Variants in FBXL2 observed in about 807,000 individuals in gnomAD.
FBXL2 encodes the protein F-box and leucine rich repeat protein 2.
In FBXL2, 38 loss-of-function variants were observed where a neutral mutation model predicts 69.2. That is an observed-to-expected ratio of 0.55 (90% CI 0.42 to 0.72). The LOEUF (loss-of-function observed/expected upper bound fraction) is 0.72. FBXL2 is among the 30% of genes least tolerant of loss of function. The probability of loss-of-function intolerance (pLI) is 0.00; values close to 1 mark genes in which losing one functional copy is unlikely to be tolerated. For missense variants in FBXL2, 354 were observed against 520.3 expected, an observed-to-expected ratio of 0.68 and a Z score of 3.11; for synonymous variants, 192 against 201.3, an observed-to-expected ratio of 0.95 and a Z score of 0.39.
rs533372284 is a variant in FBXL2 at position 33,343,148 on chromosome 3, A to G, written c.66-15819A>G. On this transcript the variant is annotated intron_variant, in intron 2 of 14. Coordinates refer to ENST00000484457, the MANE Select transcript of FBXL2 (RefSeq NM_012157.5). ...ATGAATTAGTATAGTATTCAAAGCA[A>G]TTATATATATATGATAGTTAAAGAA... Among the ~76,000 whole-genome samples, 9 of 152,062 alleles carry G rather than the reference A, an allele frequency of 5.9e-5. No individual in the cohort carries two copies. In the South Asian group the frequency reaches 1.9e-3, roughly 31 times the overall value.
At chr3:33,363,917 A>G (rs1181607973) in intron 4 of FBXL2, among the ~76,000 whole-genome samples, 1 of 152,200 alleles carries the variant, frequency 6.6e-6, no homozygotes, top group Non-Finnish European at 1.5e-5. Context: ...GCAGTGAGCT[A>G]TGACCACATC....
At chr3:33,409,072 C>T in the FBXL2 span, among the ~76,000 whole-genome samples, 1 of 152,128 alleles carries the variant, frequency 6.6e-6, no homozygotes, top group East Asian at 1.9e-4. Context: ...AACAGTCTAT[C>T]AAAATCCCCA....
intron 2 of FBXL2, among the ~76,000 whole-genome samples, chr3:33,305,466 A>T (rs1483851652): frequency 6.6e-6 from 1 of 151,902 alleles, no homozygotes; most frequent in African/African-American, 2.4e-5. Flanking sequence ...TCAATACTAC[A>T]TATTTGGTAA....
At chr3:33,401,210 A>G (rs910232500) in intron 12 of FBXL2, among the ~76,000 whole-genome samples, 1 of 152,246 alleles carries the variant, frequency 6.6e-6, no homozygotes, top group Non-Finnish European at 1.5e-5. Context: ...ATTAAGACAC[A>G]GAAGACTGTG....
intron 2 of FBXL2, among the ~76,000 whole-genome samples, chr3:33,343,533 TAAA>T (rs1401122562): frequency 6.6e-6 from 1 of 152,060 alleles, no homozygotes; most frequent in South Asian, 2.1e-4. Flanking sequence ...AATGAAGCAA[TAAA>T]AATATTTTAT....
chr3:33,351,602 A>G (rs2154037415), intron 2 of FBXL2, among the ~76,000 whole-genome samples: 1 of 152,286 alleles, frequency 6.6e-6, no homozygotes, highest in Admixed American at 6.5e-5. Flanking sequence ...ACTTTTTTCA[A>G]GTTGATATAT....
At chr3:33,409,173 T>A in the FBXL2 span, 1 of 1,504,614 alleles carries the variant, frequency 6.6e-7, no homozygotes, top group Non-Finnish European at 9.2e-7. Flanking sequence ...AGAACTCATC[T>A]TAGAAATAGA....
intron 10 of FBXL2, among the ~76,000 whole-genome samples, chr3:33,375,954 C>T (rs957334220): frequency 2.0e-5 from 3 of 152,034 alleles, no homozygotes; most frequent in South Asian, 2.1e-4. Flanking sequence ...GTCAGGAATT[C>T]GAAACCAGCC....
intron 13 of FBXL2, chr3:33,382,575 GATTT>G (rs1286739908): frequency 6.6e-6 from 1 of 151,966 alleles, no homozygotes; most frequent in African/African-American, 2.4e-5. Context: ...GGTACACTGT[GATTT>G]ATTTATCCTT....
intron 13 of FBXL2, among the ~76,000 whole-genome samples, chr3:33,380,327 C>T (rs1263903850): frequency 6.6e-6 from 1 of 151,828 alleles, no homozygotes; most frequent in East Asian, 1.9e-4. Flanking sequence ...GAGGCCGAGG[C>T]AGGCAGATTG....
intron 1 of FBXL2, among the ~76,000 whole-genome samples, chr3:33,292,518 A>C (rs1378921245): frequency 1.3e-5 from 2 of 152,216 alleles, no homozygotes; most frequent in Non-Finnish European, 2.9e-5. Flanking sequence ...ACTAATTGAC[A>C]GAACTTGTGA....
At chr3:33,332,993 CA>C (rs1241365170) in intron 2 of FBXL2, among the ~76,000 whole-genome samples, 1 of 152,080 alleles carries the variant, frequency 6.6e-6, no homozygotes, top group Non-Finnish European at 1.5e-5. Flanking sequence ...AAGCCAAACC[CA>C]AAAGGTCACA....
At chr3:33,401,071 TAATC>T in intron 12 of FBXL2, 2 of 1,488,354 alleles carry the variant, frequency 1.3e-6, no homozygotes, top group Non-Finnish European at 1.8e-6. Context: ...ATATATGTTT[TAATC>T]AAGGCATTAA....
intron 2 of FBXL2, among the ~76,000 whole-genome samples, chr3:33,350,599 A>AT (rs1214483477): frequency 6.6e-6 from 1 of 151,686 alleles, no homozygotes; most frequent in Non-Finnish European, 1.5e-5. Flanking sequence ...TGCCTGCCTA[A>AT]TTTTTTTGTA....
At chr3:33,372,319 C>T (rs1038678079) in intron 5 of FBXL2, 1 of 152,416 alleles carries the variant, frequency 6.6e-6, no homozygotes, top group Non-Finnish European at 1.5e-5. Context: ...CCAGATAACT[C>T]CAGCTGCCTT....
the FBXL2 span, among the ~76,000 whole-genome samples, chr3:33,416,335 C>T: frequency 6.6e-6 from 1 of 152,106 alleles, no homozygotes; most frequent in Non-Finnish European, 1.5e-5. Context: ...GCTATGCCTC[C>T]TATACCTAGG....
At chr3:33,288,217 G>A (rs969842706) in intron 1 of FBXL2, among the ~76,000 whole-genome samples, 15 of 152,318 alleles carry the variant, frequency 9.8e-5, no homozygotes, top group Admixed American at 5.9e-4. Context: ...CCAGTTCTCA[G>A]TGCTGCCTCT....
At position 33,385,896 on chromosome 3, in the gene FBXL2, C is replaced by T. The variant is rs1173175485; in HGVS notation, c.*288C>T. The T allele has an allele frequency of 2.4e-6, 1 of 418,928 alleles. No individual in the cohort carries two copies. The highest frequency in any genetic ancestry group is 4.3e-6 in the Non-Finnish European group (1 of 230,236). 26.0% of individuals were successfully genotyped at this position (418,928 alleles called of 1,614,324 possible). A position where few individuals can be genotyped will look rare whatever the true frequency, so the allele number is the denominator to read the frequency against. On this transcript the variant is annotated 3_prime_UTR_variant, in exon 15 of 15. Coordinates refer to ENST00000484457, the MANE Select transcript of FBXL2 (RefSeq NM_012157.5). ...GATCTCTTAAGAGATTGGTACCTACCTAGGTACGAAAGTTCTACCCTTGGC... is the reference window on the plus strand; with the variant it reads ...GATCTCTTAAGAGATTGGTACCTACTTAGGTACGAAAGTTCTACCCTTGGC...
chr3:33,320,670 G>T (rs773850456), intron 2 of FBXL2, among the ~76,000 whole-genome samples: 3 of 151,730 alleles, frequency 2.0e-5, no homozygotes, highest in African/African-American at 4.8e-5. Context: ...TAGTAGAGAC[G>T]GGGTTTCACC....
Sources: allele counts gnomAD v4.1 joint callset (sites outside exome capture counted in the v4.1 genomes callset), GRCh38; gene constraint gnomAD v4.1.1; transcripts MANE v1.5; gene names NCBI Gene and HGNC (gene_info 2026-07-23, HGNC 2026-07-21).